NR6A1: variants seen among roughly 807,000 people sequenced by gnomAD.
NR6A1 encodes the protein retinoic acid receptor-related testis-associated receptor.
Under a neutral mutation model 59.1 loss-of-function variants are expected in NR6A1, and 7 were observed. The ratio of observed to expected loss-of-function variants is 0.12; its 90% confidence interval spans 0.07 to 0.22. The LOEUF (loss-of-function observed/expected upper bound fraction) is 0.22. NR6A1 is among the 10% of genes least tolerant of loss of function. NR6A1 has a pLI of 1.00. For synonymous variants in NR6A1, 243 were observed against 236.1 expected, an observed-to-expected ratio of 1.03 and a Z score of -0.27; for missense variants, 468 against 611.6, an observed-to-expected ratio of 0.77 and a Z score of 2.48.
At chr9:124,538,413 A>C (rs1833347036) in intron 5 of NR6A1, 94 bp from the exon 6 acceptor site, 1 of 890,458 alleles carries the variant, frequency 1.1e-6, no homozygotes, top group Non-Finnish European at 1.8e-6. Context: ...GTATTCTTTG[A>C]ACATGAGGTA....
intron 1 of NR6A1, among the ~76,000 whole-genome samples, chr9:124,752,718 C>T (rs1176044454): frequency 6.6e-6 from 1 of 151,772 alleles, no homozygotes; most frequent in African/African-American, 2.4e-5. Flanking sequence ...ATATATTTTA[C>T]ACCCAACTTC....
intron 2 of NR6A1, among the ~76,000 whole-genome samples, chr9:124,682,582 C>G (rs1838201349): frequency 6.6e-6 from 1 of 152,042 alleles, no homozygotes; most frequent in South Asian, 2.1e-4. Context: ...ATTTTTACAG[C>G]TTTATTTTAA....
Position 124,652,535 on chromosome 9 carries a change from C to T in NR6A1, c.142+80773G>A, listed in dbSNP as rs555953121. Among the ~76,000 whole-genome samples, 92 of 152,286 alleles carry T rather than the reference C, an allele frequency of 6.0e-4. 2 individuals are homozygous for T. In the South Asian group the frequency reaches 0.018, roughly 30 times the overall value. On this transcript the variant is annotated intron_variant, in intron 2 of 9. Transcript: ENST00000487099. ...GCCTAGTACAGTGCATGGCTCATAG[C>T]AGACAACAACGGGAATTAATTTCCT...
chr9:124,735,979 CA>C (rs1388623945), intron 1 of NR6A1, among the ~76,000 whole-genome samples: 1 of 152,140 alleles, frequency 6.6e-6, no homozygotes, highest in Non-Finnish European at 1.5e-5. Context: ...AGGGGGATCA[CA>C]AACATTCAGA....
At chr9:124,543,041 A>G (rs1463094646) in intron 4 of NR6A1, among the ~76,000 whole-genome samples, 1 of 152,196 alleles carries the variant, frequency 6.6e-6, no homozygotes, top group Non-Finnish European at 1.5e-5. Context: ...GTAGTCAAAG[A>G]CTTGAAGGCC....
At chr9:124,643,130 G>T (rs1037955912) in intron 2 of NR6A1, among the ~76,000 whole-genome samples, 1 of 150,872 alleles carries the variant, frequency 6.6e-6, no homozygotes, top group Admixed American at 6.6e-5. Flanking sequence ...CAAGCTAAAA[G>T]ACATGACTGA....
In NR6A1 at chr9:124,562,254, T is replaced by C. The variant is rs548154693; in HGVS notation, c.143-7684A>G. On this transcript the variant is annotated intron_variant, in intron 2 of 9. Coordinates refer to ENST00000487099, the MANE Select transcript of NR6A1 (RefSeq NM_033334.4). The stretch of plus-strand genomic sequence containing the variant: ...TAGCCACAAATATAATATCAGGCTA[T>C]GTTTTACCCCTTTGTATGTAAAAGT... Among the ~76,000 whole-genome samples, 3 of 152,334 alleles carry C rather than the reference T, an allele frequency of 2.0e-5. No homozygotes were observed. The East Asian group carries it at 5.8e-4, about 29-fold the overall frequency.
intron 2 of NR6A1, among the ~76,000 whole-genome samples, chr9:124,701,417 A>G (rs1436669914): frequency 1.3e-5 from 2 of 152,232 alleles, no homozygotes; most frequent in Non-Finnish European, 2.9e-5. Context: ...CATAAAATTT[A>G]CCATTTTAAT....
chr9:124,632,079 T>A (rs1042976798), intron 2 of NR6A1, among the ~76,000 whole-genome samples: 1 of 152,222 alleles, frequency 6.6e-6, no homozygotes, highest in Non-Finnish European at 1.5e-5. Context: ...TGGTGGGCAT[T>A]TAGATTGATT....
chr9:124,612,362 G>A (rs143221495), intron 2 of NR6A1, among the ~76,000 whole-genome samples: 1,555 of 152,252 alleles, frequency 0.01, 11 homozygotes, highest in Non-Finnish European at 0.016. Context: ...GGACAAATCA[G>A]TGTGGAAAGC....
At chr9:124,766,251 T>C (rs1840930582) in intron 1 of NR6A1, among the ~76,000 whole-genome samples, 1 of 152,232 alleles carries the variant, frequency 6.6e-6, no homozygotes, top group African/African-American at 2.4e-5. Flanking sequence ...AGAAATTACC[T>C]GAGCCAGGAA....
chr9:124,544,714 G>C (rs1298998365), intron 3 of NR6A1, among the ~76,000 whole-genome samples: 1 of 152,180 alleles, frequency 6.6e-6, no homozygotes, highest in Non-Finnish European at 1.5e-5. Flanking sequence ...AAGCATAGGG[G>C]AAGGGTGGCC....
chr9:124,665,405 T>C (rs2130953305), intron 2 of NR6A1, among the ~76,000 whole-genome samples: 2 of 152,228 alleles, frequency 1.3e-5, no homozygotes, highest in East Asian at 3.9e-4. Flanking sequence ...ATCAAGCCAT[T>C]AAGAAAATAA....
chr9:124,661,881 T>C (rs749035479), intron 2 of NR6A1, among the ~76,000 whole-genome samples: 3 of 152,204 alleles, frequency 2.0e-5, no homozygotes, highest in Non-Finnish European at 4.4e-5. Context: ...TCATATGGGA[T>C]AGCCCAGATA....
intron 2 of NR6A1, among the ~76,000 whole-genome samples, chr9:124,644,143 C>G (rs1012541900): frequency 6.6e-6 from 1 of 152,026 alleles, no homozygotes; most frequent in Non-Finnish European, 1.5e-5. Flanking sequence ...TCGTTGTGAT[C>G]CACCCACCTC....
intron 2 of NR6A1, among the ~76,000 whole-genome samples, chr9:124,567,179 T>C (rs1834281830): frequency 6.6e-6 from 1 of 151,630 alleles, no homozygotes; most frequent in Non-Finnish European, 1.5e-5. Context: ...TAAAGGCAAC[T>C]ACTTAGGGGA....
At position 124,586,533 on chromosome 9, in the gene NR6A1, T is replaced by C. The variant is rs142007172; in HGVS notation, c.143-31963A>G. On this transcript the variant is annotated intron_variant, in intron 2 of 9. Coordinates refer to ENST00000487099, the MANE Select transcript of NR6A1 (RefSeq NM_033334.4). ...CAATCACAGCTCACTGTAGCCTCCA[T>C]CTCCTGGGCTCAAGCAATCCTCCTG... Among the ~76,000 whole-genome samples the C allele has an allele frequency of 8.4e-3, 1,277 of 151,972 alleles. 29 individuals carry two copies. Among genetic ancestry groups the C allele is most frequent in the African/African-American group, 0.029 (1,199 of 41,444 alleles).
At chr9:124,552,997 C>A (rs1833819785) in intron 3 of NR6A1, among the ~76,000 whole-genome samples, 1 of 152,162 alleles carries the variant, frequency 6.6e-6, no homozygotes. Flanking sequence ...ACACCCCCAT[C>A]CCTGAACACT....
At chr9:124,696,833 T>C (rs1022297964) in intron 2 of NR6A1, among the ~76,000 whole-genome samples, 1 of 152,192 alleles carries the variant, frequency 6.6e-6, no homozygotes, top group African/African-American at 2.4e-5. Context: ...ATTTTTTGTA[T>C]TTTTAGTAGA....
Sources: allele counts gnomAD v4.1 joint callset (sites outside exome capture counted in the v4.1 genomes callset), GRCh38; gene constraint gnomAD v4.1.1; transcripts MANE v1.5; gene names NCBI Gene and HGNC (gene_info 2026-07-23, HGNC 2026-07-21).